The following SKOR2 variants were observed in gnomAD, a reference collection of about 807,000 sequenced individuals.
The protein encoded by SKOR2 is SKI family transcriptional corepressor 2, also known as LBX1 corepressor 1-like protein.
Under a neutral mutation model 69.1 loss-of-function variants are expected in SKOR2, and 47 were observed. That is an observed-to-expected ratio of 0.68 (90% CI 0.54 to 0.87). SKOR2 has a LOEUF of 0.87. SKOR2 is among the 40% of genes least tolerant of loss of function. The pLI is 0.00. For missense variants in SKOR2, 1,404 were observed against 1,472.2 expected, an observed-to-expected ratio of 0.95 and a Z score of 0.76; for synonymous variants, 717 against 672.6, an observed-to-expected ratio of 1.07 and a Z score of -1.02.
rs1365653342 is a variant in SKOR2, at chr18:47,248,398, G to T, written c.786C>A (p.Ala262=). ...ACHPLSSVKA[A]AVAAAAAVAG... Reference sequence around the variant, plus strand: ...CCACCGCGGCCGCGGCGGCCACGGCGGCCGCCTTCACAGAGCTGAGCGGGT... The same window carrying T: ...CCACCGCGGCCGCGGCGGCCACGGCTGCCGCCTTCACAGAGCTGAGCGGGT... Residue 262 remains alanine, a synonymous_variant, in exon 2 of 9, where the codon GCC becomes GCA. Coordinates refer to ENST00000425639, the MANE Select transcript of SKOR2 (RefSeq NM_001278063.4). This position sits in a 1 kb window ranked among gnomAD's most constrained non-coding sequence, Gnocchi z 6.4. 2.2e-5 allele frequency: 30 copies of T among 1,361,218 alleles called. No homozygotes were observed. Among genetic ancestry groups the T allele is most frequent in the Non-Finnish European group, 2.6e-5 (28 of 1,066,574 alleles). 84.3% of individuals were successfully genotyped at this position (1,361,218 alleles called of 1,614,324 possible).
At chr18:47,212,455 A>G (rs186971505) in intron 7 of SKOR2, among the ~76,000 whole-genome samples, 1 of 152,202 alleles carries the variant, frequency 6.6e-6, no homozygotes, top group Non-Finnish European at 1.5e-5. Context: ...ATATGGTATC[A>G]TATTTATTTA....
At chr18:47,236,831 T>C (rs1337956256) in intron 4 of SKOR2, among the ~76,000 whole-genome samples, 1 of 152,172 alleles carries the variant, frequency 6.6e-6, no homozygotes, top group African/African-American at 2.4e-5. Context: ...TCCATAAGGC[T>C]TTTTCAACTT....
chr18:47,231,274 G>T, intron 4 of SKOR2: 2 of 1,065,568 alleles, frequency 1.9e-6, no homozygotes, highest in Non-Finnish European at 2.7e-6. Context: ...ACCCCCTACC[G>T]CCATCCATCT....
rs372176880 is a variant in SKOR2 at position 47,249,392 on chromosome 18, CTT to C, written c.-47-164_-47-163del. 8.6e-4 allele frequency among the ~76,000 whole-genome samples: 131 copies of C among 152,356 alleles called. 1 individual carries two copies. The East Asian group carries it at 0.021, about 25-fold the overall frequency. ...AGTTTTGAACACAAGAAAGTCATCT[CTT>C]AATTTCCTTCAAGGCCATCCTTTAG... On this transcript the variant is annotated intron_variant, in intron 1 of 8. Transcript: ENST00000425639.
intron 8 of SKOR2, among the ~76,000 whole-genome samples, chr18:47,207,585 A>G (rs911669173): frequency 6.6e-6 from 1 of 152,190 alleles, no homozygotes; most frequent in Non-Finnish European, 1.5e-5. Context: ...AAGTCCTTAG[A>G]ACAGTGGGGG....
At chr18:47,250,777 C>T (rs1436458164) in intron 1 of SKOR2, among the ~76,000 whole-genome samples, 2 of 152,154 alleles carry the variant, frequency 1.3e-5, no homozygotes, top group Non-Finnish European at 2.9e-5. Flanking sequence ...TTGGGTGGAT[C>T]AGAGACAATA....
At chr18:47,218,347 T>G (rs2064150581) in intron 7 of SKOR2, among the ~76,000 whole-genome samples, 1 of 152,072 alleles carries the variant, frequency 6.6e-6, no homozygotes, top group Admixed American at 6.6e-5. Flanking sequence ...CCCAGCACTT[T>G]AGGAGGCCCA....
intron 6 of SKOR2, among the ~76,000 whole-genome samples, chr18:47,227,072 C>T (rs936480311): frequency 2.6e-5 from 4 of 152,172 alleles, no homozygotes; most frequent in Non-Finnish European, 5.9e-5. Flanking sequence ...TTCCAGCAAG[C>T]GCAGAGACTT....
chr18:47,244,404 T>C (rs1689449775), intron 4 of SKOR2, among the ~76,000 whole-genome samples: 1 of 152,220 alleles, frequency 6.6e-6, no homozygotes, highest in African/African-American at 2.4e-5. Context: ...TCAAAACTTC[T>C]AATCACGTCT....
At chr18:47,208,652 G>T (rs977913720) in intron 8 of SKOR2, among the ~76,000 whole-genome samples, 1 of 152,140 alleles carries the variant, frequency 6.6e-6, no homozygotes. Flanking sequence ...ATTACACTGG[G>T]TTATCTGTGC....
intron 4 of SKOR2, among the ~76,000 whole-genome samples, chr18:47,232,853 C>T (rs1298895080): frequency 6.6e-6 from 1 of 152,136 alleles, no homozygotes; most frequent in Non-Finnish European, 1.5e-5. Context: ...ATGTAATGGC[C>T]CTGGGCACTT....
chr18:47,223,151 G>A lies in SKOR2; in HGVS notation c.2918-3141C>T, dbSNP rs555035303. ...ACAAACCAAAAAATACTTGCAACAT[G>A]TCAAAGAATTAACATTTTAGTATAA... On this transcript the variant is annotated intron_variant, in intron 6 of 8. Coordinates refer to ENST00000425639, the MANE Select transcript of SKOR2 (RefSeq NM_001278063.4). Among the ~76,000 whole-genome samples the A allele has an allele frequency of 2.6e-5, 4 of 152,174 alleles. No homozygotes were observed. In the East Asian group the frequency reaches 7.7e-4, roughly 29 times the overall value.
rs1048764788 is a variant in SKOR2 at position 47,248,126 on chromosome 18, C to T, written c.1058G>A (p.Gly353Glu). ...GGAGTGGGGA[G>E]GGCVAGVGVG... The stretch of plus-strand genomic sequence containing the variant: ...GCCCACGCCGGCCACACAGCCACCC[C>T]CAGCGCCGCCCCCACCAGTCCCCGC... The change falls in exon 2 of 9, where the codon GGG becomes GAG. Residue 353 changes from glycine (G) to glutamate (E), a missense_variant. Around this residue, in one of 3 missense-constraint regions of SKOR2, gnomAD observed 1,266 missense variants for 1,309.9 expected, o/e 0.97. Transcript: ENST00000425639. The surrounding 1 kb of genome is among the most constrained non-coding windows in gnomAD (Gnocchi z 6.4). The T allele has an allele frequency of 1.5e-5, 19 of 1,300,230 alleles. No individual in the cohort carries two copies. Among genetic ancestry groups the T allele is most frequent in the Non-Finnish European group, 1.8e-5 (19 of 1,033,294 alleles). The allele number at this position is 1,300,230 out of a possible 1,614,324, so 80.5% of individuals were successfully genotyped here. A position where few individuals can be genotyped will look rare whatever the true frequency, so the allele number is the denominator to read the frequency against.
Position 47,247,760 on chromosome 18 carries a change from G to A in SKOR2, c.1424C>T (p.Thr475Ile). 2 of 1,382,098 alleles carry A rather than the reference G, an allele frequency of 1.4e-6. No homozygotes were observed. Among genetic ancestry groups the A allele is most frequent in the South Asian group, 1.7e-5 (1 of 60,464 alleles). The allele number at this position is 1,382,098 out of a possible 1,614,324, so 85.6% of individuals were successfully genotyped here. ...GGTGGGCACCGGGAGCCCGCCAGGG[G>A]TCCGCGGCGGCCAGAACATGCAGAA... ...PPFCMFWPPR[T>I]PGGLPVPTYL... The change falls in exon 2 of 9, where the codon ACC becomes ATC. Residue 475 changes from threonine to isoleucine, a missense_variant. By Grantham distance (89) the Thr-to-Ile change is moderately conservative. Around this residue, in one of 3 missense-constraint regions of SKOR2, gnomAD observed 1,266 missense variants for 1,309.9 expected, o/e 0.97. Coordinates refer to ENST00000425639, the MANE Select transcript of SKOR2 (RefSeq NM_001278063.4). The surrounding 1 kb of genome is among the most constrained non-coding windows in gnomAD (Gnocchi z 6.6).
Position 47,247,436 on chromosome 18 carries a change from G to T in SKOR2, c.1748C>A (p.Ala583Asp). Residue 583 changes from alanine to aspartate, a missense_variant, in exon 2 of 9, where the codon GCC (alanine) becomes GAC (aspartate). This residue lies in a region of SKOR2 where 1,266 missense variants were observed against 1,309.9 expected (regional missense o/e 0.97). Coordinates refer to ENST00000425639, the MANE Select transcript of SKOR2 (RefSeq NM_001278063.4). The surrounding 1 kb of genome is among the most constrained non-coding windows in gnomAD (Gnocchi z 6.6). ...CCCGGCGGCCGCGGCCCCTGCCCCG[G>T]CAGCTGCCACAGAGTCCGCGGGCGG... ...STPPADSVAA[A>D]GAGAAAAGSG... 7.8e-7 allele frequency: 1 copy of T among 1,280,876 alleles called. No individual in the cohort carries two copies. The highest frequency in any genetic ancestry group is 9.8e-7 in the Non-Finnish European group (1 of 1,016,138). The allele number at this position is 1,280,876 out of a possible 1,614,324, so 79.3% of individuals were successfully genotyped here. A position where few individuals can be genotyped will look rare whatever the true frequency, so the allele number is the denominator to read the frequency against.
chr18:47,238,810 A>G (rs1183284085), intron 4 of SKOR2, among the ~76,000 whole-genome samples: 3 of 152,188 alleles, frequency 2.0e-5, no homozygotes, highest in African/African-American at 7.2e-5. Context: ...CTAGAAGAGA[A>G]GCCATCTCCT....
At position 47,225,008 on chromosome 18, in the gene SKOR2, G is replaced by A. The variant is rs1390657059; in HGVS notation, c.2918-4998C>T. Among the ~76,000 whole-genome samples, 5 of 152,070 alleles carry A rather than the reference G, an allele frequency of 3.3e-5. No homozygotes were observed. The South Asian group carries it at 8.3e-4, about 25-fold the overall frequency. On this transcript the variant is annotated intron_variant, in intron 6 of 8. Transcript: ENST00000425639. ...ATTTTGGAATCTGCCCTGCCACCCC[G>A]ACCCTGCACTTCATCTCCCAGAGTA... is the stretch of plus-strand genomic sequence containing the variant.
At chr18:47,227,438 A>G (rs2064182696) in intron 6 of SKOR2, among the ~76,000 whole-genome samples, 1 of 148,458 alleles carries the variant, frequency 6.7e-6, no homozygotes. Context: ...CCCGGGTTCA[A>G]GTGATTCTCC....
intron 7 of SKOR2, 144 bp from the exon 8 acceptor site, chr18:47,212,295 G>T: frequency 1.5e-6 from 1 of 665,706 alleles, no homozygotes; most frequent in Non-Finnish European, 2.1e-6. Context: ...TCAGCGGTAT[G>T]AGGTTTCTGG....
Sources: gnomAD v4.1 joint callset for allele counts (sites outside exome capture counted in the v4.1 genomes callset) on GRCh38, gnomAD v4.1.1 for gene constraint, gnomAD v4.1.1 regional missense constraint, Gnocchi (gnomAD v3.1) non-coding constraint, MANE v1.5 for transcripts, NCBI Gene and HGNC (gene_info 2026-07-23, HGNC 2026-07-21) for gene names.